Variants in WSB2 observed in about 807,000 individuals in gnomAD.
The protein encoded by WSB2 is WD repeat and SOCS box-containing protein 2.
WSB2 carries 12 observed loss-of-function variants against 48.8 expected under a neutral mutation model. The ratio of observed to expected loss-of-function variants is 0.25; its 90% CI spans 0.16 to 0.40. The LOEUF (loss-of-function observed/expected upper bound fraction) is 0.40. Among genes scored for constraint, WSB2 ranks in the 10% least tolerant of loss-of-function variants. The pLI is 1.00. For missense variants in WSB2, 317 were observed against 506.2 expected (o/e 0.63, Z 3.59); for synonymous variants, 191 against 203.1 (o/e 0.94, Z 0.51).
At chr12:118,043,643 T>G (rs2031687154) in intron 2 of WSB2, among the ~76,000 whole-genome samples, 1 of 152,098 alleles carries the variant, frequency 6.6e-6, no homozygotes, top group Non-Finnish European at 1.5e-5. Context: ...GACGGAGTTT[T>G]GTCATGTTGC....
rs776558602 is a variant in WSB2, at chr12:118,043,290, A to G, written c.270T>C (p.Cys90=). The G allele has an allele frequency of 7.4e-6, 12 of 1,614,024 alleles. No homozygotes were observed. The highest frequency in any genetic ancestry group is 1.0e-5 in the Non-Finnish European group (12 of 1,179,964). Residue 90 remains cysteine (C), a synonymous_variant, in exon 3 of 9, where the codon TGT becomes TGC. Coordinates refer to ENST00000315436, the MANE Select transcript of WSB2 (RefSeq NM_018639.5). The stretch of plus-strand genomic sequence containing the variant: ...AGGCCAGCCCCCAGACAATCTGACC[A>G]CAGTCCAGCGTCTTCTCTTTTGGGC... ...RGSPKEKTLD[C]GQIVWGLAFS... is the part of the protein sequence containing the mutation.
chr12:118,047,225 G>A (rs2031762656), intron 2 of WSB2, among the ~76,000 whole-genome samples: 1 of 152,020 alleles, frequency 6.6e-6, no homozygotes, highest in African/African-American at 2.4e-5. Context: ...ACTTTCCTGG[G>A]GTCACAAAAT....
intron 2 of WSB2, among the ~76,000 whole-genome samples, chr12:118,046,871 G>A (rs927537546): frequency 6.6e-6 from 1 of 152,092 alleles, no homozygotes; most frequent in Non-Finnish European, 1.5e-5. Context: ...TCCAGGGCTC[G>A]AGCAGTCCTT....
intron 2 of WSB2, among the ~76,000 whole-genome samples, chr12:118,049,688 G>C (rs2031811063): frequency 6.6e-6 from 1 of 151,970 alleles, no homozygotes; most frequent in South Asian, 2.1e-4. Context: ...CAGGCATCAG[G>C]TACCGCGCCC....
At chr12:118,043,072 G>A (rs1593466485) in intron 3 of WSB2, 61 bp downstream of exon 3, 3 of 1,613,790 alleles carry the variant, frequency 1.9e-6, no homozygotes, top group East Asian at 2.2e-5. Context: ...GCAGGGAGGC[G>A]ACATAGTCAG....
At chr12:118,046,340 A>G (rs2031745360) in intron 2 of WSB2, among the ~76,000 whole-genome samples, 1 of 151,798 alleles carries the variant, frequency 6.6e-6, no homozygotes. Context: ...GGGGGTGCCT[A>G]TAGTCCCAGC....
chr12:118,042,842 G>A lies in WSB2; in HGVS notation c.558C>T (p.His186=), dbSNP rs751709403. 31 of 1,613,964 alleles carry A rather than the reference G, an allele frequency of 1.9e-5. No homozygotes were observed. Among genetic ancestry groups the A allele is most frequent in the Admixed American group, 5.0e-5 (3 of 59,976 alleles). The change falls in exon 4 of 9, where the codon CAC becomes CAT. Residue 186 remains histidine, a splice_region_variant and synonymous_variant. Transcript: ENST00000315436. ...KTLRIWDLNK[H]GKQIQVLSGH... ...GAGTAGTTCCTTCACTTCCCATACC[G>A]TGTTTATTCAGGTCCCAGATGCGAA...
chr12:118,040,520 G>A (rs774346540), intron 4 of WSB2, among the ~76,000 whole-genome samples: 2 of 152,144 alleles, frequency 1.3e-5, no homozygotes, highest in Non-Finnish European at 2.9e-5. Flanking sequence ...CAGCACTTTG[G>A]GAGGCCGAGG....
At chr12:118,035,650 T>G (rs146625430) in intron 6 of WSB2, 79 of 221,616 alleles carry the variant, frequency 3.6e-4, no homozygotes, top group African/African-American at 1.7e-3. Context: ...GGACTGCCTA[T>G]TATTTGCTTC....
intron 8 of WSB2, 67 bp from the exon 9 acceptor site, chr12:118,034,425 C>T (rs942345963): frequency 3.6e-5 from 56 of 1,574,098 alleles, no homozygotes; most frequent in Non-Finnish European, 4.7e-5. Flanking sequence ...AGGATGAATA[C>T]TCATGTTTCT....
chr12:118,035,694 C>T, intron 6 of WSB2: 1 of 189,044 alleles, frequency 5.3e-6, no homozygotes, highest in Admixed American at 5.4e-5. Context: ...AAAAGGAGAC[C>T]AAGTTTGTGA....
intron 2 of WSB2, among the ~76,000 whole-genome samples, chr12:118,045,465 A>G (rs1352385874): frequency 6.6e-6 from 1 of 152,122 alleles, no homozygotes; most frequent in East Asian, 1.9e-4. Context: ...TGGGAGGCTG[A>G]GGTGGGTGGA....
At chr12:118,062,057 C>G, upstream of WSB2, 1 of 1,520,468 alleles carries the variant, frequency 6.6e-7, no homozygotes, top group Non-Finnish European at 8.8e-7. Context: ...AGATAAAAAA[C>G]GGGGCAGGAG....
intron 5 of WSB2, 30 bp from the exon 6 acceptor site, chr12:118,036,540 G>T (rs757515142): frequency 1.3e-6 from 2 of 1,591,004 alleles, no homozygotes; most frequent in Admixed American, 3.4e-5. Context: ...CCTGGTTAGG[G>T]CAGAAGCAAA....
At chr12:118,061,751 C>G (rs1271880647), upstream of WSB2, among the ~76,000 whole-genome samples, 11 of 113,600 alleles carry the variant, frequency 9.7e-5, no homozygotes, top group Non-Finnish European at 3.4e-5. Context: ...ATGCGAAGGC[C>G]GATGAGGGGG....
chr12:118,034,584 T>TCTCTCTCTCTCTCTCTCTCTCTC (rs33933604), intron 8 of WSB2: 4 of 521,674 alleles, frequency 7.7e-6, no homozygotes, highest in Non-Finnish European at 1.3e-5. Flanking sequence ...GCTCTCTCTG[T>TCTCTCTCTCTCTCTCTCTCTCTC]CTCTCTCTCG....
intron 1 of WSB2, among the ~76,000 whole-genome samples, chr12:118,058,978 G>A (rs1161169680): frequency 6.6e-6 from 1 of 152,088 alleles, no homozygotes; most frequent in African/African-American, 2.4e-5. Context: ...TTACAGACGT[G>A]AGCCACCCCG....
intron 2 of WSB2, among the ~76,000 whole-genome samples, chr12:118,046,649 G>C (rs2031752920): frequency 6.6e-6 from 1 of 152,206 alleles, no homozygotes; most frequent in Non-Finnish European, 1.5e-5. Context: ...TGGCCCCTGA[G>C]TTTGTTGTCA....
chr12:118,043,065 G>C, intron 3 of WSB2, 68 bp downstream of exon 3: 1 of 1,613,722 alleles, frequency 6.2e-7, no homozygotes, highest in East Asian at 2.2e-5. Context: ...GAGTGGGGCA[G>C]GGAGGCGACA....
Sources: allele counts gnomAD v4.1 joint callset (sites outside exome capture counted in the v4.1 genomes callset), GRCh38; gene constraint gnomAD v4.1.1; transcripts MANE v1.5; gene names NCBI Gene and HGNC (gene_info 2026-07-23, HGNC 2026-07-21).